Variants in DPP6 observed in about 807,000 individuals in gnomAD.
The protein encoded by DPP6 is dipeptidyl peptidase like 6.
Under a neutral mutation model 122.6 loss-of-function variants are expected in DPP6, and 69 were observed. The observed-to-expected ratio is 0.56, with a 90% CI of 0.46 to 0.69. DPP6 has a LOEUF of 0.69. DPP6 is among the 30% of genes least tolerant of loss of function. The pLI, the probability that DPP6 is intolerant of heterozygous loss-of-function variation, is 0.00. For missense variants in DPP6, 928 were observed against 1,116.9 expected (o/e 0.83, Z 2.41); for synonymous variants, 418 against 433.1 (o/e 0.97, Z 0.43).
intron 1 of DPP6, among the ~76,000 whole-genome samples, chr7:154,063,603 A>AAGG (rs1802418755): frequency 3.0e-5 from 1 of 33,154 alleles, no homozygotes; most frequent in African/African-American, 2.8e-4. Flanking sequence ...CATCGCAGTG[A>AAGG]GGGAGGCACC....
intron 3 of DPP6, among the ~76,000 whole-genome samples, chr7:154,517,814 T>A (rs1826647619): frequency 1.3e-5 from 2 of 152,102 alleles, no homozygotes; most frequent in South Asian, 2.1e-4. Flanking sequence ...CCAACAGAAC[T>A]TGGGCACTTA....
chr7:153,927,663 T>C (rs1800964215), intron 1 of DPP6, among the ~76,000 whole-genome samples: 2 of 152,068 alleles, frequency 1.3e-5, no homozygotes, highest in African/African-American at 4.8e-5. Flanking sequence ...TGTGGATGAG[T>C]TAGAAAATAT....
chr7:154,031,877 T>TTG (rs1491330446), intron 1 of DPP6, among the ~76,000 whole-genome samples: 23 of 87,074 alleles, frequency 2.6e-4, no homozygotes, highest in Admixed American at 4.2e-4. Flanking sequence ...TTTTTTTTTT[T>TTG]GGGGGACGGG....
chr7:154,829,163 G>A (rs552957591), intron 16 of DPP6, among the ~76,000 whole-genome samples: 19 of 151,968 alleles, frequency 1.3e-4, no homozygotes, highest in Admixed American at 9.8e-4. Context: ...CAGGTGGATC[G>A]CTTGAGCTCA....
chr7:154,730,103 G>T (rs1389189080), intron 8 of DPP6, among the ~76,000 whole-genome samples: 1 of 152,190 alleles, frequency 6.6e-6, no homozygotes, highest in African/African-American at 2.4e-5. Context: ...GGACTCTAAA[G>T]CCCCTTGTGT....
chr7:153,842,961 C>A, the DPP6 span, among the ~76,000 whole-genome samples: 1 of 152,210 alleles, frequency 6.6e-6, no homozygotes, highest in Non-Finnish European at 1.5e-5. Context: ...GATGCCCCCA[C>A]TCACCCACCT....
intron 1 of DPP6, chr7:154,305,116 G>C (rs866750884): frequency 4.4e-6 from 2 of 457,854 alleles, no homozygotes; most frequent in Non-Finnish European, 2.9e-6. Flanking sequence ...AGCATGCGCC[G>C]TGGGCGCCGG....
chr7:154,259,000 T>G (rs1802832232), intron 1 of DPP6, among the ~76,000 whole-genome samples: 1 of 152,090 alleles, frequency 6.6e-6, no homozygotes, highest in African/African-American at 2.4e-5. Flanking sequence ...TAGTTGTGAG[T>G]GTTTGGGAAG....
chr7:154,581,363 G>A (rs966256898), intron 5 of DPP6, among the ~76,000 whole-genome samples: 16 of 152,100 alleles, frequency 1.1e-4, no homozygotes, highest in African/African-American at 3.9e-4. Context: ...AGGAAGAAGG[G>A]GACAGAAGAG....
At chr7:154,368,963 C>T (rs886445984) in intron 1 of DPP6, among the ~76,000 whole-genome samples, 1 of 152,182 alleles carries the variant, frequency 6.6e-6, no homozygotes, top group African/African-American at 2.4e-5. Flanking sequence ...TGAGAGAATA[C>T]CTGGCCAGCC....
chr7:153,780,744 G>T, the DPP6 span, among the ~76,000 whole-genome samples: 1 of 152,062 alleles, frequency 6.6e-6, no homozygotes, highest in Admixed American at 6.5e-5. Context: ...GAGAGGATCT[G>T]GATTGGGAGT....
upstream of DPP6, among the ~76,000 whole-genome samples, chr7:153,885,320 T>G (rs942529828): frequency 6.6e-6 from 1 of 152,120 alleles, no homozygotes; most frequent in African/African-American, 2.4e-5. Flanking sequence ...TTGAGCAGCC[T>G]GCTGTTGTCT....
chr7:154,225,375 A>G (rs1800532860), intron 1 of DPP6, among the ~76,000 whole-genome samples: 1 of 152,144 alleles, frequency 6.6e-6, no homozygotes, highest in South Asian at 2.1e-4. Flanking sequence ...ATATATATCT[A>G]TAGAACAGGT....
intron 1 of DPP6, among the ~76,000 whole-genome samples, chr7:153,999,960 CAAAGAAAGAAAG>C (rs749822103): frequency 6.8e-6 from 1 of 147,776 alleles, no homozygotes; most frequent in East Asian, 2.0e-4. Flanking sequence ...ACCCCCATCT[CAAAGAAAGAAAG>C]AAAGAAAGAA....
intron 1 of DPP6, among the ~76,000 whole-genome samples, chr7:153,929,939 C>T (rs1320957218): frequency 6.6e-6 from 1 of 152,288 alleles, no homozygotes; most frequent in Admixed American, 6.5e-5. Context: ...TTTTAAAGAG[C>T]ACAGCATGAT....
the DPP6 span, among the ~76,000 whole-genome samples, chr7:153,829,724 G>A: frequency 6.6e-6 from 1 of 152,198 alleles, no homozygotes; most frequent in African/African-American, 2.4e-5. Context: ...GTGGACCTCT[G>A]ATGGCCACTT....
chr7:153,811,554 A>C, the DPP6 span, among the ~76,000 whole-genome samples: 9 of 152,290 alleles, frequency 5.9e-5, no homozygotes, highest in Admixed American at 5.2e-4. Flanking sequence ...CTGCCAGTCG[A>C]AGGCATTGTG....
chr7:154,686,256 G>A (rs368904883), intron 7 of DPP6, among the ~76,000 whole-genome samples: 45 of 152,216 alleles, frequency 3.0e-4, no homozygotes, highest in African/African-American at 1.1e-3. Context: ...CCTTTGGACC[G>A]AACTCTTAAG....
chr7:154,030,254 G>T (rs1799161263), intron 1 of DPP6, among the ~76,000 whole-genome samples: 1 of 152,148 alleles, frequency 6.6e-6, no homozygotes, highest in African/African-American at 2.4e-5. Flanking sequence ...CCTGACCTAT[G>T]TTTTTCTGAA....
Sources: allele counts gnomAD v4.1 joint callset (sites outside exome capture counted in the v4.1 genomes callset), GRCh38; gene constraint gnomAD v4.1.1; transcripts MANE v1.5; gene names NCBI Gene and HGNC (gene_info 2026-07-23, HGNC 2026-07-21).